CBLN2: variants seen among roughly 807,000 people sequenced by gnomAD.
CBLN2 encodes the protein cerebellin-2.
CBLN2 carries 7 observed loss-of-function variants against 15.0 expected under a neutral mutation model. That is an observed-to-expected ratio of 0.47 (90% CI 0.27 to 0.88). The LOEUF (loss-of-function observed/expected upper bound fraction) is 0.88, where lower values mean the gene tolerates loss of function less well. Among genes scored for constraint, CBLN2 ranks in the 40% least tolerant of loss-of-function variants. The pLI, the probability that CBLN2 is intolerant of heterozygous loss-of-function variation, is 0.14. For synonymous variants in CBLN2, 149 were observed against 135.2 expected (o/e 1.10, Z -0.71); for missense variants, 242 against 304.5 (o/e 0.79, Z 1.53).
intron 1 of CBLN2, among the ~76,000 whole-genome samples, chr18:72,572,529 G>T (rs2069338852): frequency 6.6e-6 from 1 of 152,112 alleles, no homozygotes; most frequent in Admixed American, 6.6e-5. Flanking sequence ...CTGAATGATT[G>T]TCAAATTTGT....
chr18:72,600,669 C>T (rs2069542026), intron 1 of CBLN2, among the ~76,000 whole-genome samples: 1 of 152,098 alleles, frequency 6.6e-6, no homozygotes, highest in South Asian at 2.1e-4. Context: ...GAGACTGCAA[C>T]ACTGCAGTAA....
At chr18:72,553,073 A>G (rs1236357042) in intron 1 of CBLN2, among the ~76,000 whole-genome samples, 1 of 152,230 alleles carries the variant, frequency 6.6e-6, no homozygotes, top group Non-Finnish European at 1.5e-5. Context: ...ACTTTGTGCA[A>G]AATGCTGCTG....
In CBLN2 at chr18:72,633,395, G is replaced by A. The variant is rs113232955; in HGVS notation, c.15+4930C>T. 3.2e-3 allele frequency among the ~76,000 whole-genome samples: 485 copies of A among 152,162 alleles called. 2 individuals carry two copies. The highest frequency in any genetic ancestry group is 0.011 in the African/African-American group (466 of 41,516). On this transcript the variant is annotated intron_variant, in intron 1 of 2. Coordinates refer to the CBLN2 transcript ENST00000581073. ...GTTACTCACCACTTTCCCAAGACAC[G>A]GCTACATTTGTTACTTATAAGAAAT...
At chr18:72,624,751 C>A (rs1000735463) in intron 1 of CBLN2, among the ~76,000 whole-genome samples, 2 of 152,162 alleles carry the variant, frequency 1.3e-5, no homozygotes, top group African/African-American at 4.8e-5. Flanking sequence ...GTTTTCCTTA[C>A]ATAATTATGT....
intron 1 of CBLN2, among the ~76,000 whole-genome samples, chr18:72,572,725 T>C (rs2069340062): frequency 6.6e-6 from 1 of 152,156 alleles, no homozygotes; most frequent in African/African-American, 2.4e-5. Context: ...AGCTTGCTTT[T>C]GATGACATAA....
chr18:72,593,520 G>T (rs1325840850), intron 1 of CBLN2, among the ~76,000 whole-genome samples: 1 of 152,114 alleles, frequency 6.6e-6, no homozygotes, highest in African/African-American at 2.4e-5. Flanking sequence ...TTGTGTGATT[G>T]CTGTAGGTGG....
At chr18:72,560,121 T>G (rs550935098) in intron 1 of CBLN2, among the ~76,000 whole-genome samples, 7 of 152,168 alleles carry the variant, frequency 4.6e-5, no homozygotes, top group Non-Finnish European at 1.0e-4. Context: ...TGACAGGCCT[T>G]AAGAAAGCCA....
intron 1 of CBLN2, among the ~76,000 whole-genome samples, chr18:72,582,081 C>T (rs2069409816): frequency 6.6e-6 from 1 of 152,204 alleles, no homozygotes; most frequent in African/African-American, 2.4e-5. Context: ...CTATTTGAAG[C>T]ACTCTATTTT....
chr18:72,569,548 A>C (rs1403252738), intron 1 of CBLN2, among the ~76,000 whole-genome samples: 2 of 152,172 alleles, frequency 1.3e-5, no homozygotes, highest in African/African-American at 4.8e-5. Flanking sequence ...AATTTGGCTC[A>C]AGTTTCGGCA....
In CBLN2 at chr18:72,605,931, AC is replaced by A. The variant is rs34989219; in HGVS notation, c.15+32393del. 0.028 allele frequency among the ~76,000 whole-genome samples: 4,294 copies of A among 152,288 alleles called. 547 individuals carry two copies. In the East Asian group the frequency reaches 0.43, roughly 15 times the overall value. Reference sequence around the variant, plus strand: ...ACTACAATGGCACCTGTGTGACTGTACCCTAAATATATTTAAAGAATACCAG... The same window carrying A: ...ACTACAATGGCACCTGTGTGACTGTACCTAAATATATTTAAAGAATACCAG... On this transcript the variant is annotated intron_variant, in intron 1 of 2. Coordinates refer to the CBLN2 transcript ENST00000581073.
chr18:72,630,541 T>TC (rs1491335315), intron 1 of CBLN2, among the ~76,000 whole-genome samples: 11 of 86,586 alleles, frequency 1.3e-4, no homozygotes, highest in Non-Finnish European at 1.9e-4. Flanking sequence ...CTCACAACCC[T>TC]CCCCCCCACA....
At chr18:72,605,866 C>G (rs12962382) in intron 1 of CBLN2, among the ~76,000 whole-genome samples, 80,760 of 152,238 alleles carry the variant, frequency 0.53, 25,822 homozygotes, top group Non-Finnish European at 0.73. Context: ...CTTGTCTACA[C>G]ATCAGTGCAC....
intron 1 of CBLN2, among the ~76,000 whole-genome samples, chr18:72,558,758 T>C (rs1021604250): frequency 6.6e-6 from 1 of 152,142 alleles, no homozygotes; most frequent in Non-Finnish European, 1.5e-5. Flanking sequence ...TATGAGGTTT[T>C]AAAATATCAC....
intron 1 of CBLN2, among the ~76,000 whole-genome samples, chr18:72,614,844 C>T (rs2069646199): frequency 6.6e-6 from 1 of 151,392 alleles, no homozygotes; most frequent in African/African-American, 2.4e-5. Flanking sequence ...TCAGGAAGAT[C>T]TATCTTTTCT....
intron 1 of CBLN2, among the ~76,000 whole-genome samples, chr18:72,580,586 C>T (rs1036816026): frequency 4.6e-5 from 7 of 151,502 alleles, no homozygotes; most frequent in Non-Finnish European, 8.9e-5. Context: ...GAATCACACA[C>T]ATATATATAT....
rs368831135 is a variant in CBLN2 at position 72,630,564 on chromosome 18, C to CAGAGAGAGAGAG, written c.15+7749_15+7760dup. ...CCTCCCCCCCACACACACACACATG[C>CAGAGAGAGAGAG]AGAGAGAGAGAGAGAGAGAGAGAGG... On this transcript the variant is annotated intron_variant, in intron 1 of 2. Coordinates refer to the CBLN2 transcript ENST00000581073. 1.3e-3 allele frequency among the ~76,000 whole-genome samples: 182 copies of CAGAGAGAGAGAG among 135,596 alleles called. 1 individual carries two copies. Among genetic ancestry groups the CAGAGAGAGAGAG allele is most frequent in the African/African-American group, 5.1e-3 (171 of 33,634 alleles). 89.0% of individuals were successfully genotyped at this position (135,596 alleles called of 152,430 possible).
Position 72,542,025 on chromosome 18 carries a change from A to C in CBLN2, c.136T>G (p.Cys46Gly), listed in dbSNP as rs763394915. Residue 46 changes from cysteine to glycine, a missense_variant, in exon 3 of 5, where the codon TGC (cysteine) becomes GGC (glycine). Cys to Gly is a radical substitution (Grantham distance 159). Coordinates refer to ENST00000269503, the MANE Select transcript of CBLN2 (RefSeq NM_182511.4). ...LALLLLLLPA[C>G]CPVRAQNDTE... ...TCGTTCTGCGCCCGCACGGGGCAGC[A>C]GGCGGGCAGTAGCAGCAACAGCAGG... The C allele has an allele frequency of 3.5e-5, 56 of 1,595,162 alleles. No homozygotes were observed. The highest frequency in any genetic ancestry group is 4.4e-5 in the Non-Finnish European group (52 of 1,177,542).
chr18:72,546,386 A>G (rs754387899), upstream of CBLN2, among the ~76,000 whole-genome samples: 21 of 152,152 alleles, frequency 1.4e-4, no homozygotes, highest in African/African-American at 2.9e-4. Context: ...GCAGTGAGCC[A>G]AGATCGGGCC....
chr18:72,576,469 G>T (rs915092626), intron 1 of CBLN2, among the ~76,000 whole-genome samples: 2 of 152,102 alleles, frequency 1.3e-5, no homozygotes, highest in Non-Finnish European at 2.9e-5. Context: ...ACAAATAAAA[G>T]GAGCACTCTT....
Sources: allele counts gnomAD v4.1 joint callset (sites outside exome capture counted in the v4.1 genomes callset), GRCh38; gene constraint gnomAD v4.1.1; transcripts MANE v1.5; gene names NCBI Gene and HGNC (gene_info 2026-07-23, HGNC 2026-07-21).